Variants in ABCB8 observed in about 807,000 individuals in gnomAD.
The protein encoded by ABCB8 is ATP binding cassette subfamily B member 8.
A neutral mutation model predicts 73.0 loss-of-function variants in ABCB8; 52 were observed. The ratio of observed to expected loss-of-function variants is 0.71; its 90% CI spans 0.57 to 0.90. ABCB8 has a LOEUF of 0.90. ABCB8 is among the 40% of genes least tolerant of loss of function. The probability of loss-of-function intolerance (pLI) is 0.00; values close to 1 mark genes in which losing one functional copy is unlikely to be tolerated. For missense variants in ABCB8, 909 were observed against 974.6 expected (o/e 0.93, Z 0.90); for synonymous variants, 428 against 423.5 (o/e 1.01, Z -0.13).
chr7:151,042,043 C>T lies in ABCB8; in HGVS notation c.1700C>T (p.Ala567Val), dbSNP rs1563302999. 1 of 1,613,148 alleles carries T rather than the reference C, an allele frequency of 6.2e-7. No individual in the cohort carries two copies. Among genetic ancestry groups the T allele is most frequent in the South Asian group, 1.1e-5 (1 of 91,086 alleles). The change falls in exon 14 of 16, where the codon GCC becomes GTC. Residue 567 changes from alanine to valine, a missense_variant. Physicochemically the swap from Ala to Val is moderately conservative, Grantham distance 64. Coordinates refer to ENST00000358849, the MANE Select transcript of ABCB8 (RefSeq NM_007188.5). ...LEASDEEVYT[A>V]AREANAHEFI... ...GCTTCCGATGAAGAGGTGTACACAGCCGCCCGGGAAGCGAATGCTCACGAG... is the reference window on the plus strand; with the variant it reads ...GCTTCCGATGAAGAGGTGTACACAGTCGCCCGGGAAGCGAATGCTCACGAG...
Position 151,033,917 on chromosome 7 carries a change from G to A in ABCB8, c.408G>A (p.Val136=). 1 of 1,584,606 alleles carries A rather than the reference G, an allele frequency of 6.3e-7. No individual in the cohort carries two copies. The highest frequency in any genetic ancestry group is 8.6e-7 in the Non-Finnish European group (1 of 1,164,334). Residue 136 remains valine, a splice_region_variant and synonymous_variant, in exon 2 of 16, where the codon GTG becomes GTA. Transcript: ENST00000358849. The part of the protein sequence containing the change: ...PHLLVLGVAV[V]LALGAALVNV... ...TGCTGGTCCTGGGGGTAGCCGTCGTGGTGAGGCTTTCCCCACTTCTCCATC... is the reference window on the plus strand; with the variant it reads ...TGCTGGTCCTGGGGGTAGCCGTCGTAGTGAGGCTTTCCCCACTTCTCCATC...
intron 5 of ABCB8, 62 bp downstream of exon 5, chr7:151,034,891 G>GCCAGCCCTGCCCGCC: frequency 6.9e-7 from 1 of 1,452,876 alleles, no homozygotes; most frequent in Non-Finnish European, 9.5e-7. Context: ...GATTCACCAG[G>GCCAGCCCTGCCCGCC]CCAGCCCTGC....
Position 151,034,414 on chromosome 7 carries a change from C to T in ABCB8, c.550C>T (p.Leu184Phe). 6.2e-7 allele frequency: 1 copy of T among 1,613,998 alleles called. No individual in the cohort carries two copies. The highest frequency in any genetic ancestry group is 8.5e-7 in the Non-Finnish European group (1 of 1,180,006). The stretch of plus-strand genomic sequence containing the variant: ...GAATCTCAGCACCCACCTGCTTATC[C>T]TCTATGGTGTCCAGGTACAGCCGGG... ...SQNLSTHLLI[L>F]YGVQGLLTFG... The change falls in exon 3 of 16, where the codon CTC becomes TTC. Residue 184 changes from leucine (L) to phenylalanine (F), a missense_variant. Leu to Phe is a conservative substitution (Grantham distance 22). Transcript: ENST00000358849.
intron 1 of ABCB8, 145 bp downstream of exon 1, chr7:151,028,755 G>T: frequency 6.5e-7 from 1 of 1,534,376 alleles, no homozygotes; most frequent in Non-Finnish European, 8.7e-7. Flanking sequence ...GTCACTCCGC[G>T]GGTGTTGGCC....
At position 151,047,269 on chromosome 7, in the gene ABCB8, C is replaced by T. The variant is rs945703553; in HGVS notation, c.*1920C>T. ...GCTAGTCCAGCTGGAAGAGCTAGAC[C>T]GCAGGAGCCGCGCCGTCTTCCTAAC... On this transcript the variant is annotated 3_prime_UTR_variant, in exon 16 of 16. Coordinates refer to ENST00000358849, the MANE Select transcript of ABCB8 (RefSeq NM_007188.5). The T allele has an allele frequency of 2.9e-5, 4 of 135,946 alleles. No homozygotes were observed. Among genetic ancestry groups the T allele is most frequent in the African/African-American group, 8.3e-5 (3 of 36,212 alleles). The allele number at this position is 135,946 out of a possible 1,614,324, so 8.4% of individuals were successfully genotyped here.
chr7:151,028,690 A>C (rs1032073526), intron 1 of ABCB8, 80 bp downstream of exon 1: 102 of 1,568,714 alleles, frequency 6.5e-5, no homozygotes, highest in Non-Finnish European at 8.3e-5. Flanking sequence ...GATGGAGTCC[A>C]CGAGCTTGCG....
chr7:151,042,948 C>T lies in ABCB8; in HGVS notation c.1765+840C>T, dbSNP rs369871370. Among the ~76,000 whole-genome samples the T allele has an allele frequency of 7.9e-5, 12 of 152,244 alleles. No homozygotes were observed. In the East Asian group the frequency reaches 2.1e-3, roughly 27 times the overall value. On this transcript the variant is annotated intron_variant, in intron 14 of 15. Coordinates refer to ENST00000358849, the MANE Select transcript of ABCB8 (RefSeq NM_007188.5). The stretch of plus-strand genomic sequence containing the variant: ...CTTTTGGGTGGCACTTTCCTTGTGT[C>T]TCTGATCCTAGTACTTTCTGCTCAT...
chr7:151,040,436 C>T (rs1006384624), intron 10 of ABCB8, 62 bp from the exon 11 acceptor site: 40 of 1,580,532 alleles, frequency 2.5e-5, no homozygotes, highest in East Asian at 6.8e-5. Context: ...TGGCCACTCC[C>T]TGGAGATGCT....
In ABCB8 at chr7:151,046,370, G is replaced by C. The variant is rs1270266921; in HGVS notation, c.*1021G>C. 3 of 152,386 alleles carry C rather than the reference G, an allele frequency of 2.0e-5. No individual in the cohort carries two copies. The highest frequency in any genetic ancestry group is 7.2e-5 in the African/African-American group (3 of 41,478). 9.4% of individuals were successfully genotyped at this position (152,386 alleles called of 1,614,324 possible). ...GGGAGGCGCACCTTGAAAGGGGAAG[G>C]CAGACATCCTGAGTGATGGGCGCCT... On this transcript the variant is annotated 3_prime_UTR_variant, in exon 16 of 16. Transcript: ENST00000358849.
intron 1 of ABCB8, among the ~76,000 whole-genome samples, chr7:151,029,288 T>G (rs1796074526): frequency 2.1e-5 from 3 of 144,304 alleles, no homozygotes; most frequent in Admixed American, 7.0e-5. Flanking sequence ...GGTGATAGAG[T>G]GAGACTCTGC....
chr7:151,033,147 C>T, intron 1 of ABCB8: 1 of 456,030 alleles, frequency 2.2e-6, no homozygotes, highest in Admixed American at 2.4e-5. Context: ...TGTGTCTGCC[C>T]TGGTGGCTGC....
At chr7:151,028,641 C>G in intron 1 of ABCB8, 31 bp downstream of exon 1, 20 of 1,599,678 alleles carry the variant, frequency 1.3e-5, no homozygotes, top group Non-Finnish European at 1.7e-5. Context: ...TCAGAGCGGG[C>G]CATTGACCGC....
chr7:151,034,104 A>G (rs539351233), intron 2 of ABCB8, among the ~76,000 whole-genome samples, 169 bp from the exon 3 acceptor site: 1 of 152,276 alleles, frequency 6.6e-6, no homozygotes, highest in East Asian at 1.9e-4. Context: ...TGGGGACTGG[A>G]AGCCAGGGTT....
At position 151,032,989 on chromosome 7, in the gene ABCB8, C is replaced by T. The variant is rs188746378; in HGVS notation, c.96-616C>T. ...CAGACTGCAGACTTGGTTCCCTGCT[C>T]GTCCCAGTTCTGCTGCCTGCGGACA... On this transcript the variant is annotated intron_variant, in intron 1 of 15. Transcript: ENST00000358849. 1,334 of 456,472 alleles carry T rather than the reference C, an allele frequency of 2.9e-3. 7 individuals are homozygous for T. Among genetic ancestry groups the T allele is most frequent in the Non-Finnish European group, 4.8e-3 (1,078 of 226,864 alleles). 28.3% of individuals were successfully genotyped at this position (456,472 alleles called of 1,614,324 possible). A position where few individuals can be genotyped will look rare whatever the true frequency, so the allele number is the denominator to read the frequency against.
At chr7:151,033,169 C>A (rs1796209939) in intron 1 of ABCB8, 2 of 450,482 alleles carry the variant, frequency 4.4e-6, no homozygotes, top group South Asian at 1.6e-5. Flanking sequence ...GTGAGCAAGT[C>A]CAGTGCCGGG....
At chr7:151,036,372 C>G (rs759523309) in intron 8 of ABCB8, among the ~76,000 whole-genome samples, 172 bp from the exon 9 acceptor site, 31 of 152,168 alleles carry the variant, frequency 2.0e-4, no homozygotes, top group Admixed American at 4.6e-4. Flanking sequence ...CAGGGCCACC[C>G]TCAAGGAGGC....
At chr7:151,029,455 A>G (rs1468971998) in intron 1 of ABCB8, 1 of 152,638 alleles carries the variant, frequency 6.6e-6, no homozygotes, top group Non-Finnish European at 1.5e-5. Context: ...TAAATGCTTT[A>G]TGAGAAGGGA....
rs558145364 is a variant in ABCB8, at chr7:151,041,696, A to G, written c.1618-265A>G. 3.3e-5 allele frequency among the ~76,000 whole-genome samples: 5 copies of G among 151,350 alleles called. No homozygotes were observed. The South Asian group carries it at 6.3e-4, about 19-fold the overall frequency. Reference sequence around the variant, plus strand: ...GAAGAAAGGCAAATGCAAGCCCCCAACTCCCAGCGCCCTGCCCTGCCAGCT... The same window carrying G: ...GAAGAAAGGCAAATGCAAGCCCCCAGCTCCCAGCGCCCTGCCCTGCCAGCT... On this transcript the variant is annotated intron_variant, in intron 13 of 15. Transcript: ENST00000358849.
At chr7:151,032,102 C>G (rs1476199749) in intron 1 of ABCB8, among the ~76,000 whole-genome samples, 1 of 152,170 alleles carries the variant, frequency 6.6e-6, no homozygotes, top group Non-Finnish European at 1.5e-5. Context: ...ATTTCTCTCC[C>G]ATCCTTTCTT....
Sources: gnomAD v4.1 joint callset for allele counts (sites outside exome capture counted in the v4.1 genomes callset) on GRCh38, gnomAD v4.1.1 for gene constraint, MANE v1.5 for transcripts, NCBI Gene and HGNC (gene_info 2026-07-23, HGNC 2026-07-21) for gene names.